EXOC2: variants seen among roughly 807,000 people sequenced by gnomAD.
EXOC2 encodes the protein exocyst complex component 2.
Under a neutral mutation model 131.8 loss-of-function variants are expected in EXOC2, and 70 were observed. The ratio of observed to expected loss-of-function variants is 0.53; its 90% CI spans 0.44 to 0.65. The LOEUF is 0.65. EXOC2 is among the 30% of genes least tolerant of loss of function. The pLI, the probability that EXOC2 is intolerant of heterozygous loss-of-function variation, is 0.00. For missense variants in EXOC2, 923 were observed against 1,108.6 expected (o/e 0.83, Z 2.38); for synonymous variants, 411 against 398.4 (o/e 1.03, Z -0.38).
intron 7 of EXOC2, among the ~76,000 whole-genome samples, chr6:603,482 C>A (rs1760217552): frequency 6.6e-6 from 1 of 152,202 alleles, no homozygotes; most frequent in African/African-American, 2.4e-5. Context: ...GCACGTACCC[C>A]TCTCAAGAGC....
chr6:689,687 G>T (rs981903130), intron 1 of EXOC2, among the ~76,000 whole-genome samples: 1 of 152,158 alleles, frequency 6.6e-6, no homozygotes, highest in Non-Finnish European at 1.5e-5. Context: ...AATATTATTT[G>T]ATTTTTAATA....
chr6:589,290 C>G (rs1025989675), intron 11 of EXOC2, among the ~76,000 whole-genome samples: 1 of 151,752 alleles, frequency 6.6e-6, no homozygotes, highest in East Asian at 1.9e-4. Context: ...GTGTCTGGAA[C>G]GCGTCTCAAT....
At chr6:612,894 T>C (rs1164243779) in intron 6 of EXOC2, among the ~76,000 whole-genome samples, 1 of 152,220 alleles carries the variant, frequency 6.6e-6, no homozygotes, top group Non-Finnish European at 1.5e-5. Flanking sequence ...GTGATAATGC[T>C]GGACTTGCCG....
intron 4 of EXOC2, among the ~76,000 whole-genome samples, chr6:620,376 G>A (rs1435599112): frequency 1.3e-5 from 2 of 152,094 alleles, no homozygotes; most frequent in African/African-American, 2.4e-5. Context: ...GAAACCTGAC[G>A]CTTCGGCAGC....
chr6:643,051 C>T (rs955952351), intron 1 of EXOC2, among the ~76,000 whole-genome samples: 6 of 151,908 alleles, frequency 3.9e-5, no homozygotes, highest in African/African-American at 1.5e-4. Context: ...GATGAAAGGA[C>T]AAATTCATCA....
intron 10 of EXOC2, among the ~76,000 whole-genome samples, chr6:594,688 T>A (rs913812208): frequency 1.3e-5 from 2 of 152,214 alleles, no homozygotes; most frequent in South Asian, 4.1e-4. Flanking sequence ...ACTTTTTCTA[T>A]CATCTTATTA....
At chr6:689,285 T>C (rs1764807493) in intron 1 of EXOC2, 1 of 148,080 alleles carries the variant, frequency 6.8e-6, no homozygotes, top group Non-Finnish European at 1.5e-5. Flanking sequence ...GATGTATTTT[T>C]AATCTGAAAT....
Position 673,717 on chromosome 6 carries a change from T to C in EXOC2, c.-44+19302A>G, listed in dbSNP as rs1000970724. On this transcript the variant is annotated intron_variant, in intron 1 of 27. Coordinates refer to ENST00000230449, the MANE Select transcript of EXOC2 (RefSeq NM_018303.6). Reference sequence around the variant, plus strand: ...AAAAAATATATAACTTTTTACTATTTTGGCAGGGATCTCTCTCATCTGTAT... The same window carrying C: ...AAAAAATATATAACTTTTTACTATTCTGGCAGGGATCTCTCTCATCTGTAT... Among the ~76,000 whole-genome samples the C allele has an allele frequency of 5.9e-5, 9 of 152,190 alleles. 1 individual carries two copies. Among genetic ancestry groups the C allele is most frequent in the South Asian group, 2.1e-4 (1 of 4,832 alleles).
At chr6:681,802 G>A (rs940344530) in intron 1 of EXOC2, among the ~76,000 whole-genome samples, 41 of 152,346 alleles carry the variant, frequency 2.7e-4, no homozygotes, top group African/African-American at 9.6e-4. Flanking sequence ...TTAAAGTGCT[G>A]TCAAGGTACT....
chr6:643,808 T>C (rs1168693202), intron 1 of EXOC2, among the ~76,000 whole-genome samples: 1 of 152,082 alleles, frequency 6.6e-6, no homozygotes, highest in African/African-American at 2.4e-5. Flanking sequence ...AAAAACTCTC[T>C]AGAAATGAAA....
At chr6:487,868 C>T (rs367928862) in intron 27 of EXOC2, among the ~76,000 whole-genome samples, 1 of 152,170 alleles carries the variant, frequency 6.6e-6, no homozygotes, top group East Asian at 1.9e-4. Flanking sequence ...AAAATATAGT[C>T]CTGACCTGGG....
chr6:643,596 T>C (rs1210712918), intron 1 of EXOC2, among the ~76,000 whole-genome samples: 1 of 96,610 alleles, frequency 1.0e-5, no homozygotes, highest in African/African-American at 3.4e-5. Context: ...TAAGAATCTA[T>C]GTTTCCACCT....
At chr6:656,494 G>C in intron 1 of EXOC2, 2 of 1,607,086 alleles carry the variant, frequency 1.2e-6, no homozygotes, top group South Asian at 1.1e-5. Context: ...TCGGAGGCGC[G>C]CAGGCTGGGC....
At chr6:604,710 G>A (rs532284241) in intron 7 of EXOC2, among the ~76,000 whole-genome samples, 5 of 147,614 alleles carry the variant, frequency 3.4e-5, no homozygotes, top group South Asian at 4.4e-4. Flanking sequence ...GAACTCACGC[G>A]CTGGCCCTGC....
At chr6:546,110 TTTAA>T (rs1756839567) in intron 22 of EXOC2, among the ~76,000 whole-genome samples, 1 of 152,124 alleles carries the variant, frequency 6.6e-6, no homozygotes, top group Admixed American at 6.5e-5. Flanking sequence ...TATAGATTAT[TTTAA>T]TTTTTATTTT....
intron 2 of EXOC2, among the ~76,000 whole-genome samples, chr6:635,811 C>T (rs1221991638): frequency 6.6e-6 from 1 of 152,256 alleles, no homozygotes; most frequent in Non-Finnish European, 1.5e-5. Flanking sequence ...GCCTGTAATG[C>T]CAGCACTTTG....
In EXOC2 at chr6:617,846, A is replaced by G; in HGVS notation, c.537-11T>C. 6.2e-7 allele frequency: 1 copy of G among 1,609,468 alleles called. No individual in the cohort carries two copies. The highest frequency in any genetic ancestry group is 8.5e-7 in the Non-Finnish European group (1 of 1,178,326). ...TTGAGCTGCTCAAAACTGAAATGAA[A>G]TAAAGAAACCAAAGTTTGACACTTC... On this transcript the variant is annotated splice_polypyrimidine_tract_variant and intron_variant, in intron 5 of 27. Transcript: ENST00000230449.
intron 11 of EXOC2, among the ~76,000 whole-genome samples, chr6:581,835 A>T (rs999297644): frequency 6.6e-6 from 1 of 152,328 alleles, no homozygotes; most frequent in East Asian, 1.9e-4. Context: ...TTCCAGTTAA[A>T]TACTGCTTCT....
chr6:656,884 C>A, intron 1 of EXOC2: 1 of 1,600,396 alleles, frequency 6.2e-7, no homozygotes, highest in Non-Finnish European at 8.5e-7. Context: ...GCGACGGTGC[C>A]GCTGACGTGA....
Sources: gnomAD v4.1 joint callset for allele counts (sites outside exome capture counted in the v4.1 genomes callset) on GRCh38, gnomAD v4.1.1 for gene constraint, MANE v1.5 for transcripts, NCBI Gene and HGNC (gene_info 2026-07-23, HGNC 2026-07-21) for gene names.